The following SEMA5A variants were observed in gnomAD, a reference collection of about 807,000 sequenced individuals.
SEMA5A encodes semaphorin 5A, also known as semaphorin-5A.
In SEMA5A, 55 loss-of-function variants were observed where a neutral mutation model predicts 135.5. That is an observed-to-expected ratio of 0.41 (90% CI 0.33 to 0.51). The LOEUF is 0.51. Among genes scored for constraint, SEMA5A ranks in the 20% least tolerant of loss-of-function variants. The probability of loss-of-function intolerance (pLI) is 0.37; values close to 1 mark genes in which losing one functional copy is unlikely to be tolerated. For synonymous variants in SEMA5A, 580 were observed against 546.5 expected (o/e 1.06, Z -0.85); for missense variants, 1,290 against 1,419.9 (o/e 0.91, Z 1.47).
At chr5:9,372,114 C>T (rs1489762550) in intron 3 of SEMA5A, among the ~76,000 whole-genome samples, 1 of 152,186 alleles carries the variant, frequency 6.6e-6, no homozygotes, top group Non-Finnish European at 1.5e-5. Context: ...ATACTGGAAG[C>T]AGTTTTACCC....
chr5:9,092,265 T>C (rs1288583734), intron 16 of SEMA5A, among the ~76,000 whole-genome samples: 3 of 152,242 alleles, frequency 2.0e-5, no homozygotes, highest in African/African-American at 7.2e-5. Context: ...ATTTGTCGAA[T>C]GCACAGGGTG....
intron 2 of SEMA5A, among the ~76,000 whole-genome samples, chr5:9,429,048 A>T (rs1350934660): frequency 2.6e-5 from 4 of 152,256 alleles, no homozygotes; most frequent in Admixed American, 2.0e-4. Flanking sequence ...GGATGTGCAC[A>T]GGAGTGTGGG....
At chr5:9,267,560 T>C (rs982941668) in intron 5 of SEMA5A, among the ~76,000 whole-genome samples, 1 of 152,182 alleles carries the variant, frequency 6.6e-6, no homozygotes, top group African/African-American at 2.4e-5. Context: ...GAAATCTTCC[T>C]CCTGGGTCTT....
intron 2 of SEMA5A, among the ~76,000 whole-genome samples, chr5:9,400,445 A>T (rs1410478061): frequency 4.0e-5 from 6 of 151,358 alleles, no homozygotes; most frequent in Admixed American, 2.6e-4. Context: ...CAATCTGAAG[A>T]TCTAAAAAAA....
At chr5:9,091,457 A>T (rs1739029857) in intron 16 of SEMA5A, among the ~76,000 whole-genome samples, 2 of 151,962 alleles carry the variant, frequency 1.3e-5, no homozygotes. Context: ...AGTTTGTGTA[A>T]GATATGTGCA....
At chr5:9,472,694 C>A (rs268510) in intron 1 of SEMA5A, among the ~76,000 whole-genome samples, 19,114 of 152,004 alleles carry the variant, frequency 0.13, 1,765 homozygotes, top group African/African-American at 0.26. Flanking sequence ...CTTCATTGTG[C>A]AAGCTGCATA....
chr5:9,053,796 T>C (rs988355772), intron 19 of SEMA5A: 3 of 273,186 alleles, frequency 1.1e-5, no homozygotes, highest in African/African-American at 4.4e-5. Flanking sequence ...ATTAGGGAGA[T>C]TGGGTGTTGT....
intron 5 of SEMA5A, among the ~76,000 whole-genome samples, chr5:9,278,959 G>A (rs562125742): frequency 6.6e-6 from 1 of 152,340 alleles, no homozygotes; most frequent in African/African-American, 2.4e-5. Flanking sequence ...TGTGGGGTTG[G>A]AGCCCCAGTA....
At chr5:9,427,137 C>T (rs1409916365) in intron 2 of SEMA5A, among the ~76,000 whole-genome samples, 1 of 152,026 alleles carries the variant, frequency 6.6e-6, no homozygotes, top group African/African-American at 2.4e-5. Context: ...ATGGTGAAAA[C>T]CCAGCTCTAC....
At chr5:9,144,731 C>G (rs1249342643) in intron 12 of SEMA5A, among the ~76,000 whole-genome samples, 1 of 152,174 alleles carries the variant, frequency 6.6e-6, no homozygotes, top group Non-Finnish European at 1.5e-5. Context: ...GGAATTATTG[C>G]AAATCCATGG....
At chr5:9,302,854 T>A (rs1409143188) in intron 5 of SEMA5A, among the ~76,000 whole-genome samples, 1 of 152,140 alleles carries the variant, frequency 6.6e-6, no homozygotes, top group Admixed American at 6.5e-5. Context: ...AAATACTAAT[T>A]ATAATGTAGA....
intron 4 of SEMA5A, among the ~76,000 whole-genome samples, chr5:9,326,216 TACGCACATTTTC>T (rs1352249069): frequency 6.6e-6 from 1 of 152,144 alleles, no homozygotes; most frequent in Admixed American, 6.5e-5. Context: ...TCCTACATGA[TACGCACATTTTC>T]AATTGCACTG....
intron 2 of SEMA5A, among the ~76,000 whole-genome samples, chr5:9,420,340 C>T (rs1757422447): frequency 6.6e-6 from 1 of 152,052 alleles, no homozygotes; most frequent in African/African-American, 2.4e-5. Context: ...TTTGTCACTA[C>T]CTGTAATGCA....
At chr5:9,307,209 CA>C (rs1751912123) in intron 5 of SEMA5A, among the ~76,000 whole-genome samples, 1 of 152,162 alleles carries the variant, frequency 6.6e-6, no homozygotes, top group Admixed American at 6.5e-5. Context: ...ATAGCCCCCA[CA>C]ACAGTAAGAA....
chr5:9,467,297 G>A (rs979361013), intron 1 of SEMA5A, among the ~76,000 whole-genome samples: 2 of 152,048 alleles, frequency 1.3e-5, no homozygotes, highest in Admixed American at 1.3e-4. Context: ...ATTTTTAGTA[G>A]GGAACGGGGT....
chr5:9,060,295 C>T (rs189822346), intron 18 of SEMA5A, among the ~76,000 whole-genome samples: 109 of 152,294 alleles, frequency 7.2e-4, no homozygotes, highest in South Asian at 6.0e-3. Flanking sequence ...ATGAGAGCAA[C>T]CAACAGATCA....
chr5:9,241,321 G>C (rs766765337), intron 5 of SEMA5A, among the ~76,000 whole-genome samples: 1 of 151,906 alleles, frequency 6.6e-6, no homozygotes, highest in Non-Finnish European at 1.5e-5. Context: ...CCAAACAGAA[G>C]ACACTCTTCT....
intron 18 of SEMA5A, among the ~76,000 whole-genome samples, chr5:9,056,594 A>C (rs563359755): frequency 8.0e-4 from 122 of 152,254 alleles, no homozygotes; most frequent in Middle Eastern, 3.4e-3. Context: ...TGTTGGTGCA[A>C]ATCTGTCACC....
chr5:9,059,050 A>G (rs1737042599), intron 18 of SEMA5A, among the ~76,000 whole-genome samples: 1 of 152,178 alleles, frequency 6.6e-6, no homozygotes, highest in Non-Finnish European at 1.5e-5. Flanking sequence ...CCTCCATTAG[A>G]TTTAGTGTTC....
Sources: allele counts gnomAD v4.1 joint callset (sites outside exome capture counted in the v4.1 genomes callset), GRCh38; gene constraint gnomAD v4.1.1; transcripts MANE v1.5; gene names NCBI Gene and HGNC (gene_info 2026-07-23, HGNC 2026-07-21).